The following EIF4G3 variants were observed in gnomAD, a reference collection of about 807,000 sequenced individuals.
EIF4G3 encodes the protein eukaryotic translation initiation factor 4 gamma 3.
EIF4G3 carries 34 observed loss-of-function variants against 186.4 expected under a neutral mutation model. That is an observed-to-expected ratio of 0.18 (90% CI 0.14 to 0.24). The LOEUF is 0.24. Among genes scored for constraint, EIF4G3 ranks in the 10% least tolerant of loss-of-function variants. The probability of loss-of-function intolerance (pLI) is 1.00; values close to 1 mark genes in which losing one functional copy is unlikely to be tolerated. For synonymous variants in EIF4G3, 673 were observed against 679.5 expected (o/e 0.99, Z 0.15); for missense variants, 1,536 against 1,948.5 (o/e 0.79, Z 3.99).
At chr1:21,022,374 T>A (rs1011269439) in intron 4 of EIF4G3, among the ~76,000 whole-genome samples, 2 of 152,230 alleles carry the variant, frequency 1.3e-5, no homozygotes, top group Non-Finnish European at 2.9e-5. Flanking sequence ...AAACATTATG[T>A]CTGCCTGTGT....
intron 11 of EIF4G3, among the ~76,000 whole-genome samples, chr1:20,971,131 A>T (rs915455597): frequency 6.6e-6 from 1 of 152,176 alleles, no homozygotes; most frequent in African/African-American, 2.4e-5. Context: ...GCTGTAAAGG[A>T]GGTAAGTGTC....
intron 4 of EIF4G3, among the ~76,000 whole-genome samples, chr1:21,039,787 A>G (rs998814352): frequency 6.6e-6 from 1 of 152,264 alleles, no homozygotes; most frequent in African/African-American, 2.4e-5. Flanking sequence ...TCCAGAACAT[A>G]TAAAGAACTC....
chr1:21,136,886 AGTGCAAGACAAGGT>A (rs2097255902), intron 2 of EIF4G3, among the ~76,000 whole-genome samples: 1 of 152,246 alleles, frequency 6.6e-6, no homozygotes. Context: ...AAATCTGGCT[AGTGCAAGACAAGGT>A]GTGCTGTTAC....
chr1:20,967,574 T>C (rs910870701), intron 12 of EIF4G3, among the ~76,000 whole-genome samples: 4 of 152,186 alleles, frequency 2.6e-5, no homozygotes, highest in African/African-American at 9.7e-5. Context: ...GATGGACATA[T>C]ATACTCATCT....
At chr1:21,168,151 C>G (rs528783525) in intron 2 of EIF4G3, 70 of 419,834 alleles carry the variant, frequency 1.7e-4, no homozygotes, top group African/African-American at 1.2e-3. Flanking sequence ...CGCCTGTAAT[C>G]CCAACACTTT....
intron 4 of EIF4G3, among the ~76,000 whole-genome samples, chr1:21,035,319 C>T (rs561302621): frequency 1.6e-4 from 25 of 152,336 alleles, no homozygotes; most frequent in African/African-American, 5.1e-4. Flanking sequence ...ACTCTGCAGC[C>T]GGGGACAGGC....
Position 20,806,820 on chromosome 1 carries a change from G to A in EIF4G3, c.*499C>T, listed in dbSNP as rs1348839078. Reference sequence around the variant, plus strand: ...AAAAAAAAAAAATCTTTCTTACCTTGTTCACCCCAAACTTTCTCAAATCTG... The same window carrying A: ...AAAAAAAAAAAATCTTTCTTACCTTATTCACCCCAAACTTTCTCAAATCTG... On this transcript the variant is annotated 3_prime_UTR_variant, in exon 37 of 37. Coordinates refer to ENST00000602326, the MANE Select transcript of EIF4G3 (RefSeq NM_001391906.1). The A allele has an allele frequency of 6.6e-6, 1 of 151,690 alleles. No homozygotes were observed. The highest frequency in any genetic ancestry group is 1.5e-5 in the Non-Finnish European group (1 of 67,860). 9.4% of individuals were successfully genotyped at this position (151,690 alleles called of 1,614,324 possible). A position where few individuals can be genotyped will look rare whatever the true frequency, so the allele number is the denominator to read the frequency against.
intron 18 of EIF4G3, among the ~76,000 whole-genome samples, chr1:20,889,491 T>C (rs981887345): frequency 6.6e-6 from 1 of 152,162 alleles, no homozygotes; most frequent in Non-Finnish European, 1.5e-5. Context: ...TGATAAGTAA[T>C]TTTATTTATT....
chr1:20,870,589 T>C (rs181820125), intron 20 of EIF4G3, among the ~76,000 whole-genome samples: 12 of 152,166 alleles, frequency 7.9e-5, no homozygotes, highest in Admixed American at 7.2e-4. Context: ...TCTAGAGGGG[T>C]TCTGAGATGA....
intron 14 of EIF4G3, among the ~76,000 whole-genome samples, chr1:20,928,833 A>C (rs2095118786): frequency 6.6e-6 from 1 of 152,214 alleles, no homozygotes; most frequent in Non-Finnish European, 1.5e-5. Context: ...ATATAACTTT[A>C]GAATATTTTC....
chr1:20,897,517 A>G (rs1195697101), intron 16 of EIF4G3, among the ~76,000 whole-genome samples: 2 of 131,420 alleles, frequency 1.5e-5, no homozygotes, highest in Non-Finnish European at 3.5e-5. Flanking sequence ...CTATAATTTC[A>G]TCTAAAAAAA....
chr1:21,168,952 C>G (rs907272368), intron 2 of EIF4G3, among the ~76,000 whole-genome samples: 4 of 152,046 alleles, frequency 2.6e-5, no homozygotes, highest in Non-Finnish European at 4.4e-5. Context: ...CCAAGGTGAG[C>G]AGGTGGCTTG....
chr1:21,024,451 G>C lies in EIF4G3; in HGVS notation c.-66-21643C>G, dbSNP rs905743321. Reference sequence around the variant, plus strand: ...ATGGCGGCTTTGTGGAATAGAAAGGGGGGAAAGGTGGGGAAAAGATTGAGA... The same window carrying C: ...ATGGCGGCTTTGTGGAATAGAAAGGCGGGAAAGGTGGGGAAAAGATTGAGA... On this transcript the variant is annotated intron_variant, in intron 4 of 36. Coordinates refer to ENST00000602326, the MANE Select transcript of EIF4G3 (RefSeq NM_001391906.1). 2.4e-4 allele frequency among the ~76,000 whole-genome samples: 37 copies of C among 151,558 alleles called. No individual in the cohort carries two copies. In the East Asian group the frequency reaches 3.1e-3, roughly 13 times the overall value.
At chr1:20,850,015 C>T (rs1210492757) in intron 28 of EIF4G3, among the ~76,000 whole-genome samples, 1 of 152,174 alleles carries the variant, frequency 6.6e-6, no homozygotes, top group Non-Finnish European at 1.5e-5. Flanking sequence ...TTCATTCCTA[C>T]TGGTCCTTCG....
rs578215118 is a variant in EIF4G3, at chr1:20,995,867, A to G, written c.177+1734T>C. 8.1e-4 allele frequency among the ~76,000 whole-genome samples: 123 copies of G among 152,284 alleles called. 2 individuals carry two copies. The South Asian group carries it at 0.025, about 31-fold the overall frequency. On this transcript the variant is annotated intron_variant, in intron 7 of 36. Transcript: ENST00000602326. ...AAAACACAAGCATGTGAACAAAGAAATTAACAGGTGCCTTACATAAAGGAG... is the reference window on the plus strand; with the variant it reads ...AAAACACAAGCATGTGAACAAAGAAGTTAACAGGTGCCTTACATAAAGGAG...
At chr1:20,956,243 C>T (rs79015121) in intron 12 of EIF4G3, among the ~76,000 whole-genome samples, 1 of 152,134 alleles carries the variant, frequency 6.6e-6, no homozygotes, top group African/African-American at 2.4e-5. Flanking sequence ...CATTACACAC[C>T]TCAAAAATTC....
chr1:21,123,582 G>GA (rs976835817), intron 2 of EIF4G3, among the ~76,000 whole-genome samples: 64 of 147,334 alleles, frequency 4.3e-4, no homozygotes, highest in Non-Finnish European at 6.5e-4. Flanking sequence ...AAAAAAGAAA[G>GA]AAAAAAAAAG....
At chr1:20,892,001 C>T (rs560276037) in intron 18 of EIF4G3, among the ~76,000 whole-genome samples, 2 of 152,128 alleles carry the variant, frequency 1.3e-5, no homozygotes, top group East Asian at 1.9e-4. Flanking sequence ...AGGTGGTTTT[C>T]GGTAGTTTTA....
At chr1:20,947,236 C>T (rs184473936) in intron 13 of EIF4G3, among the ~76,000 whole-genome samples, 2 of 151,892 alleles carry the variant, frequency 1.3e-5, no homozygotes, top group African/African-American at 4.8e-5. Flanking sequence ...TCCAGCTACT[C>T]AGGAGGCTGA....
Sources: gnomAD v4.1 joint callset for allele counts (sites outside exome capture counted in the v4.1 genomes callset) on GRCh38, gnomAD v4.1.1 for gene constraint, MANE v1.5 for transcripts, NCBI Gene and HGNC (gene_info 2026-07-23, HGNC 2026-07-21) for gene names.